The following MATN2 variants were observed in gnomAD, a reference collection of about 807,000 sequenced individuals.
MATN2 encodes the protein matrilin-2.
MATN2 carries 69 observed loss-of-function variants against 103.2 expected under a neutral mutation model. That is an observed-to-expected ratio of 0.67 (90% CI 0.55 to 0.82). MATN2 has a LOEUF of 0.82. MATN2 is among the 40% of genes least tolerant of loss of function. MATN2 has a pLI of 0.00. For missense variants in MATN2, 1,023 were observed against 1,211.5 expected (o/e 0.84, Z 2.31); for synonymous variants, 429 against 450.2 (o/e 0.95, Z 0.60).
At chr8:97,974,056 T>G (rs769467530) in intron 5 of MATN2, among the ~76,000 whole-genome samples, 1 of 152,236 alleles carries the variant, frequency 6.6e-6, no homozygotes, top group Non-Finnish European at 1.5e-5. Context: ...CAAATTGCTT[T>G]AATTTTTTCC....
chr8:97,875,732 G>T (rs572424443), intron 1 of MATN2, among the ~76,000 whole-genome samples: 9 of 106,162 alleles, frequency 8.5e-5, no homozygotes, highest in Admixed American at 4.5e-4. Context: ...GTCTCACTCT[G>T]TCGCCCAGGC....
intron 18 of MATN2, 42 bp from the exon 19 acceptor site, chr8:98,035,615 T>G: frequency 8.2e-7 from 1 of 1,222,690 alleles, no homozygotes; most frequent in Non-Finnish European, 1.2e-6. Flanking sequence ...TAAATGTAAA[T>G]AAAAATAGAC....
intron 7 of MATN2, among the ~76,000 whole-genome samples, chr8:97,998,186 TG>T (rs1229212968): frequency 4.0e-5 from 6 of 151,546 alleles, no homozygotes; most frequent in Admixed American, 2.6e-4. Flanking sequence ...AGAATCTAAA[TG>T]GTTTTCAGTT....
At chr8:97,910,893 A>G (rs1809398754) in intron 2 of MATN2, among the ~76,000 whole-genome samples, 1 of 152,246 alleles carries the variant, frequency 6.6e-6, no homozygotes, top group Non-Finnish European at 1.5e-5. Flanking sequence ...ATACTGATAT[A>G]TAACCATGGC....
At chr8:98,006,312 T>C (rs540291438) in intron 8 of MATN2, among the ~76,000 whole-genome samples, 59 of 152,358 alleles carry the variant, frequency 3.9e-4, no homozygotes, top group African/African-American at 1.3e-3. Context: ...AATGAAACTA[T>C]ATGACTAATT....
intron 18 of MATN2, chr8:98,034,359 G>A (rs551088510): frequency 2.3e-5 from 8 of 352,828 alleles, no homozygotes; most frequent in African/African-American, 8.5e-5. Flanking sequence ...TACAGTAAGC[G>A]TACTAAAGCT....
chr8:98,000,604 A>AAAAAAAAAAAGAAAG (rs1554613598), intron 7 of MATN2, among the ~76,000 whole-genome samples: 9 of 127,208 alleles, frequency 7.1e-5, no homozygotes, highest in Non-Finnish European at 1.2e-4. Context: ...CTCAAAAAAA[A>AAAAAAAAAAAGAAAG]AAAAAAGAAA....
rs776288893 is a variant in MATN2, at chr8:98,033,615, T to TTTCACTTGCAA, written c.2771_2772insTTCACTTGCAA (p.Gln925SerfsTer12). On this transcript the variant is annotated frameshift_variant, in exon 18 of 19. Transcript: ENST00000254898. LOFTEE classifies it high-confidence loss of function. The stretch of plus-strand genomic sequence containing the variant: ...TGCAAATGTGAAAACCTTATAATGT[T>TTTCACTTGCAA]CCAGAACCTTGCAAACGAAGAAGTA... The TTTCACTTGCAA allele has an allele frequency of 6.2e-7, 1 of 1,608,398 alleles. No homozygotes were observed. Among genetic ancestry groups the TTTCACTTGCAA allele is most frequent in the Non-Finnish European group, 8.5e-7 (1 of 1,177,364 alleles).
chr8:98,033,668 T>G lies in MATN2; in HGVS notation c.2815+9T>G. ...AAAATTAACACAGCGCTATATCCTT[T>G]TCTTGCATTATGCTTCTGTATGGAA... On this transcript the variant is annotated intron_variant, in intron 18 of 18. Transcript: ENST00000254898. 1.3e-6 allele frequency: 2 copies of G among 1,544,248 alleles called. No homozygotes were observed. Among genetic ancestry groups the G allele is most frequent in the South Asian group, 2.3e-5 (2 of 86,298 alleles).
At chr8:97,882,144 A>G (rs1818278156) in intron 1 of MATN2, among the ~76,000 whole-genome samples, 3 of 150,874 alleles carry the variant, frequency 2.0e-5, no homozygotes, top group African/African-American at 7.3e-5. Flanking sequence ...GGCTGGTCTC[A>G]AACTTCTGAC....
At position 97,994,469 on chromosome 8, in the gene MATN2, C is replaced by T. The variant is rs762287781; in HGVS notation, c.1082-11C>T. The T allele has an allele frequency of 1.9e-6, 3 of 1,592,420 alleles. No homozygotes were observed. The highest frequency in any genetic ancestry group is 1.4e-5 in the African/African-American group (1 of 73,846). Reference sequence around the variant, plus strand: ...TGGTTTGCCATTCTTGTGATTTTTCCTTCTTGCCAGAGATAGACTACTGTG... The same window carrying T: ...TGGTTTGCCATTCTTGTGATTTTTCTTTCTTGCCAGAGATAGACTACTGTG... On this transcript the variant is annotated splice_polypyrimidine_tract_variant and intron_variant, in intron 6 of 18. Transcript: ENST00000254898.
At chr8:97,933,082 C>G (rs1017561649) in intron 3 of MATN2, among the ~76,000 whole-genome samples, 12 of 152,118 alleles carry the variant, frequency 7.9e-5, no homozygotes, top group Non-Finnish European at 1.5e-4. Context: ...GAACTAACTT[C>G]AAAAAGCACA....
intron 2 of MATN2, among the ~76,000 whole-genome samples, chr8:97,900,592 A>C (rs56083706): frequency 6.6e-6 from 1 of 152,174 alleles, no homozygotes; most frequent in African/African-American, 2.4e-5. Context: ...CAGCCCTGAC[A>C]CTGGGGCTCG....
chr8:98,004,765 T>C (rs1422287644), intron 8 of MATN2, among the ~76,000 whole-genome samples: 1 of 152,226 alleles, frequency 6.6e-6, no homozygotes, highest in Non-Finnish European at 1.5e-5. Context: ...CTGAGAAGGC[T>C]TGTCTTAATT....
intron 3 of MATN2, among the ~76,000 whole-genome samples, chr8:97,936,576 C>T (rs1275428719): frequency 6.6e-6 from 1 of 152,122 alleles, no homozygotes; most frequent in Non-Finnish European, 1.5e-5. Flanking sequence ...GTCATTCATA[C>T]AATCATTAAA....
At chr8:97,959,706 C>T (rs1467961671) in intron 4 of MATN2, among the ~76,000 whole-genome samples, 14 of 152,092 alleles carry the variant, frequency 9.2e-5, no homozygotes, top group Non-Finnish European at 1.5e-4. Context: ...TAGACCTAAG[C>T]GTTTTTAAAA....
chr8:97,910,065 C>CT (rs1224584417), intron 2 of MATN2, among the ~76,000 whole-genome samples: 182 of 134,922 alleles, frequency 1.3e-3, no homozygotes, highest in Middle Eastern at 4.8e-3. Flanking sequence ...TTACAGGCGA[C>CT]TTTTTTTTTT....
intron 2 of MATN2, among the ~76,000 whole-genome samples, chr8:97,927,924 G>T (rs1810043026): frequency 6.6e-6 from 1 of 152,198 alleles, no homozygotes; most frequent in African/African-American, 2.4e-5. Flanking sequence ...TGCGAGTCTT[G>T]TGTGAATTTC....
intron 2 of MATN2, among the ~76,000 whole-genome samples, chr8:97,890,879 T>C (rs1165392884): frequency 6.6e-6 from 1 of 152,236 alleles, no homozygotes; most frequent in Non-Finnish European, 1.5e-5. Flanking sequence ...TAATTTTTTT[T>C]GAACTTTCTG....
Sources: gnomAD v4.1 joint callset for allele counts (sites outside exome capture counted in the v4.1 genomes callset) on GRCh38, gnomAD v4.1.1 for gene constraint, MANE v1.5 for transcripts, NCBI Gene and HGNC (gene_info 2026-07-23, HGNC 2026-07-21) for gene names.